The following TENM3 variants were observed in gnomAD, a reference collection of about 807,000 sequenced individuals.
TENM3 encodes the protein teneurin-3.
In TENM3, 63 loss-of-function variants were observed where a neutral mutation model predicts 255.1. That is an observed-to-expected ratio of 0.25 (90% CI 0.20 to 0.30). The LOEUF (loss-of-function observed/expected upper bound fraction) is 0.30. TENM3 is among the 10% of genes least tolerant of loss of function. The probability of loss-of-function intolerance (pLI) is 1.00; values close to 1 mark genes in which losing one functional copy is unlikely to be tolerated. For synonymous variants in TENM3, 1,306 were observed against 1,322.3 expected (o/e 0.99, Z 0.27); for missense variants, 2,929 against 3,461.1 (o/e 0.85, Z 3.86).
intron 3 of TENM3, among the ~76,000 whole-genome samples, chr4:182,494,775 C>T (rs1003814880): frequency 2.6e-5 from 4 of 152,124 alleles, no homozygotes; most frequent in Non-Finnish European, 5.9e-5. Context: ...GAAGGTATGC[C>T]TTAATAGTAC....
the TENM3 span, among the ~76,000 whole-genome samples, chr4:181,650,447 A>G: frequency 6.6e-6 from 1 of 152,070 alleles, no homozygotes; most frequent in Non-Finnish European, 1.5e-5. Flanking sequence ...ACTTGCCTAG[A>G]AGCTTGTACT....
At chr4:182,215,931 T>C (rs2149924798) in intron 1 of TENM3, among the ~76,000 whole-genome samples, 1 of 152,322 alleles carries the variant, frequency 6.6e-6, no homozygotes, top group Non-Finnish European at 1.5e-5. Flanking sequence ...CATGAAAACC[T>C]AATTTTGAAT....
At chr4:181,645,966 A>G in the TENM3 span, among the ~76,000 whole-genome samples, 1 of 152,204 alleles carries the variant, frequency 6.6e-6, no homozygotes, top group African/African-American at 2.4e-5. Flanking sequence ...TGCCCACATG[A>G]TCTTTCACAG....
At chr4:181,605,552 A>AAGAAAGAAAGGAAAGAAAGAAAGAAAG in the TENM3 span, among the ~76,000 whole-genome samples, 1 of 29,510 alleles carries the variant, frequency 3.4e-5, no homozygotes, top group African/African-American at 8.1e-5. Context: ...GAAAGAAAGA[A>AAGAAAGAAAGGAAAGAAAGAAAGAAAG]AGAAAGAAAG....
the TENM3 span, among the ~76,000 whole-genome samples, chr4:181,789,855 G>C: frequency 6.6e-6 from 1 of 151,988 alleles, no homozygotes; most frequent in African/African-American, 2.4e-5. Context: ...CCCCCTCCCC[G>C]GTACCATGTC....
the TENM3 span, among the ~76,000 whole-genome samples, chr4:181,991,005 C>A: frequency 3.9e-5 from 6 of 152,026 alleles, no homozygotes; most frequent in African/African-American, 1.4e-4. Context: ...GGATATTCAG[C>A]AAATTTTAAC....
At chr4:182,037,364 T>A in the TENM3 span, among the ~76,000 whole-genome samples, 2 of 152,140 alleles carry the variant, frequency 1.3e-5, no homozygotes, top group African/African-American at 4.8e-5. Flanking sequence ...GCCGGGCTGG[T>A]CTCAAACCCC....
At chr4:182,675,785 T>G (rs750777453) in intron 7 of TENM3, among the ~76,000 whole-genome samples, 10 of 152,236 alleles carry the variant, frequency 6.6e-5, no homozygotes, top group Non-Finnish European at 1.0e-4. Flanking sequence ...TATTGTGTTG[T>G]GTACTTGAAA....
At chr4:182,761,191 G>A (rs868175271) in intron 22 of TENM3, among the ~76,000 whole-genome samples, 17 of 152,098 alleles carry the variant, frequency 1.1e-4, no homozygotes, top group Middle Eastern at 3.2e-3. Flanking sequence ...GGCTGAGGTG[G>A]GCGGATCACA....
the TENM3 span, among the ~76,000 whole-genome samples, chr4:181,542,202 G>C: frequency 6.6e-6 from 1 of 152,164 alleles, no homozygotes; most frequent in Non-Finnish European, 1.5e-5. Flanking sequence ...TGAGAATAAC[G>C]TATTCAAAGA....
At chr4:182,294,612 T>G (rs1761347243) in intron 1 of TENM3, among the ~76,000 whole-genome samples, 1 of 152,170 alleles carries the variant, frequency 6.6e-6, no homozygotes, top group Admixed American at 6.5e-5. Context: ...TCCCAGTGCC[T>G]GTGAGCTAGA....
At chr4:182,248,995 C>T (rs1334026346) in intron 1 of TENM3, among the ~76,000 whole-genome samples, 1 of 152,094 alleles carries the variant, frequency 6.6e-6, no homozygotes, top group East Asian at 1.9e-4. Context: ...TGTGCCAGAC[C>T]CTCCTCTACA....
chr4:182,762,039 C>CATT (rs1178629806), intron 22 of TENM3, among the ~76,000 whole-genome samples: 3 of 152,124 alleles, frequency 2.0e-5, no homozygotes, highest in African/African-American at 4.8e-5. Context: ...TTTTAAAAAT[C>CATT]ATTAGTTCTG....
chr4:181,916,841 A>C, the TENM3 span, among the ~76,000 whole-genome samples: 1 of 152,156 alleles, frequency 6.6e-6, no homozygotes, highest in Non-Finnish European at 1.5e-5. Flanking sequence ...GCGCCACTGC[A>C]ATCCAGCCTG....
At chr4:181,550,865 C>A in the TENM3 span, among the ~76,000 whole-genome samples, 1 of 152,184 alleles carries the variant, frequency 6.6e-6, no homozygotes, top group Non-Finnish European at 1.5e-5. Context: ...CTATCAGGCA[C>A]AAAGTCCATG....
chr4:181,800,113 C>T, the TENM3 span, among the ~76,000 whole-genome samples: 1 of 152,122 alleles, frequency 6.6e-6, no homozygotes, highest in South Asian at 2.1e-4. Context: ...GTCAGTGTTG[C>T]AACTGTTATT....
chr4:182,671,872 G>A (rs760493931), intron 6 of TENM3, among the ~76,000 whole-genome samples: 21 of 152,100 alleles, frequency 1.4e-4, no homozygotes, highest in Non-Finnish European at 1.3e-4. Context: ...TTGGTAGTAA[G>A]TCAACTTTGT....
the TENM3 span, among the ~76,000 whole-genome samples, chr4:181,675,589 T>C: frequency 6.6e-6 from 1 of 152,262 alleles, no homozygotes; most frequent in East Asian, 1.9e-4. Context: ...CCAGGTACTA[T>C]GATGGGCACT....
At chr4:181,892,762 G>A in the TENM3 span, among the ~76,000 whole-genome samples, 280 of 152,236 alleles carry the variant, frequency 1.8e-3, 1 homozygote, top group African/African-American at 6.5e-3. Flanking sequence ...TGAGCCCGCG[G>A]TGGTTTTTCT....
Sources: allele counts gnomAD v4.1 joint callset (sites outside exome capture counted in the v4.1 genomes callset), GRCh38; gene constraint gnomAD v4.1.1; transcripts MANE v1.5; gene names NCBI Gene and HGNC (gene_info 2026-07-23, HGNC 2026-07-21).